AK8: variants seen among roughly 807,000 people sequenced by gnomAD.
AK8 encodes the protein adenylate kinase 8.
AK8 carries 44 observed loss-of-function variants against 54.6 expected under a neutral mutation model. The ratio of observed to expected loss-of-function variants is 0.81; its 90% CI spans 0.63 to 1.04. The LOEUF (loss-of-function observed/expected upper bound fraction) is 1.04, where lower values mean the gene tolerates loss of function less well. Among genes scored for constraint, AK8 ranks in the 50% least tolerant of loss-of-function variants. AK8 has a pLI of 0.00. For missense variants in AK8, 555 were observed against 613.6 expected (o/e 0.90, Z 1.01); for synonymous variants, 239 against 245.6 (o/e 0.97, Z 0.25).
chr9:132,845,561 G>A (rs142151633), intron 5 of AK8, among the ~76,000 whole-genome samples: 12 of 152,244 alleles, frequency 7.9e-5, no homozygotes, highest in East Asian at 7.7e-4. Flanking sequence ...AGGCCCAGGC[G>A]AGGGGATCAC....
At chr9:132,827,122 C>A (rs1027914892) in intron 7 of AK8, 68 bp from the exon 8 acceptor site, 81 of 1,536,902 alleles carry the variant, frequency 5.3e-5, no homozygotes, top group Non-Finnish European at 7.1e-5. Context: ...CTGTGCCTGG[C>A]TGGGGTGCTT....
intron 5 of AK8, 138 bp from the exon 6 acceptor site, chr9:132,828,864 C>G: frequency 3.7e-6 from 2 of 535,830 alleles, no homozygotes; most frequent in Non-Finnish European, 6.4e-6. Flanking sequence ...GCTACCTCAC[C>G]CTTCTTTAAA....
chr9:132,734,945 C>T (rs769780457), intron 11 of AK8, among the ~76,000 whole-genome samples: 26 of 152,212 alleles, frequency 1.7e-4, no homozygotes, highest in Non-Finnish European at 3.2e-4. Flanking sequence ...GCACGAGAAT[C>T]GCTTGAACCC....
intron 4 of AK8, among the ~76,000 whole-genome samples, chr9:132,856,743 C>T (rs1251570747): frequency 2.0e-5 from 3 of 152,126 alleles, no homozygotes; most frequent in Admixed American, 6.5e-5. Flanking sequence ...AATGTAAGAG[C>T]GGGAGCTGCG....
intron 11 of AK8, among the ~76,000 whole-genome samples, chr9:132,761,636 T>A (rs1838476890): frequency 6.6e-6 from 1 of 152,222 alleles, no homozygotes; most frequent in South Asian, 2.1e-4. Flanking sequence ...TGTTTCCAAA[T>A]GTATTGCCAT....
intron 11 of AK8, among the ~76,000 whole-genome samples, chr9:132,736,964 G>A (rs538649641): frequency 1.3e-5 from 2 of 152,178 alleles, no homozygotes; most frequent in South Asian, 4.2e-4. Flanking sequence ...GGGGCTTCCA[G>A]GGGCAGGGGG....
At chr9:132,846,012 G>A (rs367605933) in intron 5 of AK8, among the ~76,000 whole-genome samples, 5 of 152,262 alleles carry the variant, frequency 3.3e-5, no homozygotes, top group South Asian at 4.1e-4. Flanking sequence ...CTTCAAGGGC[G>A]TGTATATAGC....
At chr9:132,855,062 C>G in intron 4 of AK8, 137 bp from the exon 5 acceptor site, 2 of 773,648 alleles carry the variant, frequency 2.6e-6, no homozygotes, top group Non-Finnish European at 4.4e-6. Flanking sequence ...CCTTCCTCCA[C>G]CCGCTGCACC....
chr9:132,848,363 TA>T (rs1379535672), intron 5 of AK8, among the ~76,000 whole-genome samples: 1 of 151,948 alleles, frequency 6.6e-6, no homozygotes, highest in Non-Finnish European at 1.5e-5. Flanking sequence ...ACTTCCTAGG[TA>T]AAAGAGGTGG....
chr9:132,800,938 T>C (rs1347691701), intron 10 of AK8, among the ~76,000 whole-genome samples: 1 of 151,178 alleles, frequency 6.6e-6, no homozygotes, highest in Admixed American at 6.6e-5. Flanking sequence ...TTTTTTTTTT[T>C]TGAGACGGAG....
intron 2 of AK8, among the ~76,000 whole-genome samples, chr9:132,869,116 G>A (rs1440410930): frequency 6.6e-6 from 1 of 152,162 alleles, no homozygotes; most frequent in African/African-American, 2.4e-5. Context: ...GGAGGTGGAG[G>A]TTGCAGTGAG....
intron 10 of AK8, among the ~76,000 whole-genome samples, chr9:132,798,206 AG>A (rs1453681120): frequency 6.6e-6 from 1 of 152,182 alleles, no homozygotes; most frequent in Non-Finnish European, 1.5e-5. Context: ...TTGAGGAGTG[AG>A]GGGTGAACCC....
intron 11 of AK8, among the ~76,000 whole-genome samples, chr9:132,787,332 T>G (rs1415728765): frequency 6.6e-6 from 1 of 152,128 alleles, no homozygotes; most frequent in Non-Finnish European, 1.5e-5. Context: ...GAAATTTCAC[T>G]GTGAAATTTC....
Position 132,814,619 on chromosome 9 carries a change from T to C in AK8, c.979+19A>G, listed in dbSNP as rs755832132. 1.2e-6 allele frequency: 2 copies of C among 1,611,498 alleles called. No homozygotes were observed. The highest frequency in any genetic ancestry group is 2.2e-5 in the East Asian group (1 of 44,854). On this transcript the variant is annotated intron_variant, in intron 10 of 12. Transcript: ENST00000298545. ...CTGGAGCCTGTAAGGTCATGACAGT[T>C]AGTGGGAACGTGGCCTACCTGCCAT...
chr9:132,859,510 C>A (rs943511036), intron 4 of AK8, among the ~76,000 whole-genome samples: 5 of 152,132 alleles, frequency 3.3e-5, no homozygotes, highest in African/African-American at 4.8e-5. Context: ...CTGCACCCAG[C>A]CAGATTTTTT....
intron 9 of AK8, among the ~76,000 whole-genome samples, 199 bp downstream of exon 9, chr9:132,823,006 T>C (rs941471068): frequency 2.0e-5 from 3 of 152,314 alleles, no homozygotes; most frequent in African/African-American, 4.8e-5. Flanking sequence ...AATGTTTTTA[T>C]GGCAATATTC....
In AK8 at chr9:132,826,256, G is replaced by A. The variant is rs781517055; in HGVS notation, c.757+598C>T. On this transcript the variant is annotated intron_variant, in intron 8 of 12. Coordinates refer to ENST00000298545, the MANE Select transcript of AK8 (RefSeq NM_152572.3). The surrounding 1 kb of genome is among the most constrained non-coding windows in gnomAD (Gnocchi z 4.5). Reference sequence around the variant, plus strand: ...GCCAGAGGCTGCACAGCTGGGCTGCGTCGGGGCTGAGATTTGAACAGGTTG... The same window carrying A: ...GCCAGAGGCTGCACAGCTGGGCTGCATCGGGGCTGAGATTTGAACAGGTTG... Among the ~76,000 whole-genome samples, 3 of 152,288 alleles carry A rather than the reference G, an allele frequency of 2.0e-5. No homozygotes were observed. The highest frequency in any genetic ancestry group is 3.9e-4 in the East Asian group (2 of 5,174).
At chr9:132,842,571 G>C (rs1332341865) in intron 5 of AK8, among the ~76,000 whole-genome samples, 2 of 152,216 alleles carry the variant, frequency 1.3e-5, no homozygotes, top group African/African-American at 2.4e-5. Context: ...CAGTTTTCTA[G>C]CTAAGGGGTG....
chr9:132,866,905 ATTG>A lies in AK8; in HGVS notation c.215_217del (p.Thr72del), dbSNP rs760473529. 94 of 1,613,674 alleles carry A rather than the reference ATTG, an allele frequency of 5.8e-5. No homozygotes were observed. The highest frequency in any genetic ancestry group is 7.6e-5 in the Non-Finnish European group (90 of 1,179,728). On this transcript the variant is annotated inframe_deletion and splice_region_variant, in exon 3 of 13. Coordinates refer to ENST00000298545, the MANE Select transcript of AK8 (RefSeq NM_152572.3). ...CAACACTTAATATGATACACTTACT[ATTG>A]TTGTTTTCCCTGAGGCGGGTGGACC...
Sources: gnomAD v4.1 joint callset for allele counts (sites outside exome capture counted in the v4.1 genomes callset) on GRCh38, gnomAD v4.1.1 for gene constraint, Gnocchi (gnomAD v3.1) non-coding constraint, MANE v1.5 for transcripts, NCBI Gene and HGNC (gene_info 2026-07-23, HGNC 2026-07-21) for gene names.